The following ADARB2 variants were observed in gnomAD, a reference collection of about 807,000 sequenced individuals.
ADARB2 encodes the protein adenosine deaminase RNA specific B2 (inactive).
Under a neutral mutation model 62.2 loss-of-function variants are expected in ADARB2, and 25 were observed. That is an observed-to-expected ratio of 0.40 (90% CI 0.29 to 0.56). The LOEUF (loss-of-function observed/expected upper bound fraction) is 0.56, where lower values mean the gene tolerates loss of function less well. ADARB2 is among the 20% of genes least tolerant of loss of function. The pLI is 0.43. For missense variants in ADARB2, 1,071 were observed against 1,077.4 expected, an observed-to-expected ratio of 0.99 and a Z score of 0.08; for synonymous variants, 572 against 500.8, an observed-to-expected ratio of 1.14 and a Z score of -1.90.
intron 6 of ADARB2, among the ~76,000 whole-genome samples, chr10:1,230,785 G>T (rs533008136): frequency 3.4e-4 from 52 of 152,322 alleles, no homozygotes; most frequent in African/African-American, 1.2e-3. Context: ...AGATGGGAGA[G>T]CGGAGGAGTG....
chr10:1,221,031 G>A (rs756830582), intron 6 of ADARB2, among the ~76,000 whole-genome samples: 2 of 152,260 alleles, frequency 1.3e-5, no homozygotes, highest in East Asian at 3.9e-4. Context: ...CTTGAATGTC[G>A]GTGATCCTGC....
intron 4 of ADARB2, among the ~76,000 whole-genome samples, chr10:1,247,952 G>C (rs1286591864): frequency 6.6e-6 from 1 of 152,196 alleles, no homozygotes; most frequent in East Asian, 1.9e-4. Context: ...TGATTGCTGG[G>C]ATGGGGGTGA....
At chr10:1,519,195 G>T (rs568303667) in intron 1 of ADARB2, among the ~76,000 whole-genome samples, 4 of 151,220 alleles carry the variant, frequency 2.6e-5, no homozygotes, top group African/African-American at 9.7e-5. Context: ...GTGGTCATAC[G>T]CCTATATTCC....
rs114229621 is a variant in ADARB2, at chr10:1,409,101, G to T, written c.101-29941C>A. Among the ~76,000 whole-genome samples, 265 of 152,314 alleles carry T rather than the reference G, an allele frequency of 1.7e-3. 1 individual carries two copies. The highest frequency in any genetic ancestry group is 6.1e-3 in the African/African-American group (254 of 41,588). ...CAGTCTACCCTGGACCCTTGGACAT[G>T]CTCTGTTCACACCACATACCCCTGA... On this transcript the variant is annotated intron_variant, in intron 1 of 9. Transcript: ENST00000381312.
intron 8 of ADARB2, among the ~76,000 whole-genome samples, chr10:1,193,313 AG>A (rs1006386834): frequency 3.9e-5 from 6 of 152,222 alleles, no homozygotes; most frequent in African/African-American, 1.4e-4. Flanking sequence ...AGAGGCTCAC[AG>A]GAGGCTTCAG....
intron 4 of ADARB2, among the ~76,000 whole-genome samples, chr10:1,262,714 T>A (rs1831153961): frequency 6.6e-6 from 1 of 152,172 alleles, no homozygotes; most frequent in Admixed American, 6.5e-5. Context: ...ATTGTGGAAG[T>A]CAGTGTGGCG....
At chr10:1,657,001 T>TTTTGTGTG (rs148189638) in intron 1 of ADARB2, among the ~76,000 whole-genome samples, 1 of 148,712 alleles carries the variant, frequency 6.7e-6, no homozygotes. Flanking sequence ...ATCTAGTGTT[T>TTTTGTGTG]TGTGTGTGTG....
intron 4 of ADARB2, 40 bp from the exon 5 acceptor site, chr10:1,242,339 C>T: frequency 6.6e-7 from 1 of 1,505,286 alleles, no homozygotes; most frequent in Non-Finnish European, 8.9e-7. Flanking sequence ...TGGCCCACGG[C>T]CCCCGTCTCC....
At chr10:1,395,011 C>T in intron 1 of ADARB2, 1 of 454,014 alleles carries the variant, frequency 2.2e-6, no homozygotes, top group South Asian at 1.6e-5. Context: ...CCTCGAACTC[C>T]TGGGCTCAGT....
intron 1 of ADARB2, among the ~76,000 whole-genome samples, chr10:1,443,205 AT>A (rs1204619519): frequency 2.0e-5 from 3 of 151,994 alleles, no homozygotes; most frequent in Non-Finnish European, 1.5e-5. Flanking sequence ...TTCAAAGCTT[AT>A]TTTTCTGTCC....
intron 1 of ADARB2, among the ~76,000 whole-genome samples, chr10:1,718,694 G>A (rs1340984843): frequency 6.6e-6 from 1 of 152,168 alleles, no homozygotes; most frequent in Non-Finnish European, 1.5e-5. Flanking sequence ...TTTACCTAGG[G>A]GGGCAGCACG....
chr10:1,695,774 C>T (rs563254358), intron 1 of ADARB2, among the ~76,000 whole-genome samples: 1 of 152,022 alleles, frequency 6.6e-6, no homozygotes, highest in Admixed American at 6.5e-5. Context: ...GTAGGTGTGT[C>T]TGTGCATACA....
chr10:1,665,059 T>G (rs1834298242), intron 1 of ADARB2, among the ~76,000 whole-genome samples: 1 of 152,080 alleles, frequency 6.6e-6, no homozygotes, highest in Non-Finnish European at 1.5e-5. Flanking sequence ...GCCCCCGTAT[T>G]TTGTCATTAA....
chr10:1,555,551 T>C (rs2676744), intron 1 of ADARB2, among the ~76,000 whole-genome samples: 134,711 of 151,832 alleles, frequency 0.89, 60,805 homozygotes, highest in South Asian at 0.98. Flanking sequence ...GTGCTCTTGA[T>C]AAAAATGAAG....
chr10:1,620,840 T>C (rs1369809220), intron 1 of ADARB2, among the ~76,000 whole-genome samples: 1 of 152,234 alleles, frequency 6.6e-6, no homozygotes, highest in East Asian at 1.9e-4. Context: ...TATACTATAT[T>C]AATCAAATAA....
At chr10:1,610,868 A>G (rs775085430) in intron 1 of ADARB2, among the ~76,000 whole-genome samples, 8 of 152,008 alleles carry the variant, frequency 5.3e-5, no homozygotes, top group Non-Finnish European at 1.0e-4. Flanking sequence ...CCATACATAC[A>G]CATACAAACA....
chr10:1,339,287 C>T (rs112650889), intron 3 of ADARB2, among the ~76,000 whole-genome samples: 5,973 of 152,344 alleles, frequency 0.039, 137 homozygotes, highest in South Asian at 0.097. Flanking sequence ...CCACGATTCA[C>T]ACATGGCTAA....
intron 1 of ADARB2, among the ~76,000 whole-genome samples, chr10:1,591,324 C>T (rs1588314659): frequency 6.6e-6 from 1 of 152,336 alleles, no homozygotes; most frequent in East Asian, 1.9e-4. Flanking sequence ...CCCCTTCCTT[C>T]TTTCCTCCCT....
chr10:1,733,409 T>A (rs1422025444), intron 1 of ADARB2, among the ~76,000 whole-genome samples: 1 of 111,476 alleles, frequency 9.0e-6, no homozygotes, highest in African/African-American at 3.1e-5. Context: ...ATAGCTTCTT[T>A]TAGAAAAAAA....
Sources: gnomAD v4.1 joint callset for allele counts (sites outside exome capture counted in the v4.1 genomes callset) on GRCh38, gnomAD v4.1.1 for gene constraint, MANE v1.5 for transcripts, NCBI Gene and HGNC (gene_info 2026-07-23, HGNC 2026-07-21) for gene names.